Variants in DYNC1I1 observed in about 807,000 individuals in gnomAD.
DYNC1I1 encodes the protein cytoplasmic dynein 1 intermediate chain 1.
In DYNC1I1, 43 loss-of-function variants were observed where a neutral mutation model predicts 86.6. That is an observed-to-expected ratio of 0.50 (90% CI 0.39 to 0.64). DYNC1I1 has a LOEUF of 0.64. DYNC1I1 is among the 30% of genes least tolerant of loss of function. The pLI is 0.00. For missense variants in DYNC1I1, 604 were observed against 788.8 expected, an observed-to-expected ratio of 0.77 and a Z score of 2.81; for synonymous variants, 262 against 283.7, an observed-to-expected ratio of 0.92 and a Z score of 0.77.
intron 5 of DYNC1I1, among the ~76,000 whole-genome samples, chr7:95,867,617 C>G (rs1017449530): frequency 1.3e-5 from 2 of 152,202 alleles, no homozygotes; most frequent in Admixed American, 6.5e-5. Flanking sequence ...AGGGCTGCAG[C>G]TTACGTCATG....
intron 6 of DYNC1I1, among the ~76,000 whole-genome samples, chr7:95,893,618 A>T (rs973093367): frequency 6.6e-6 from 1 of 152,188 alleles, no homozygotes; most frequent in South Asian, 2.1e-4. Flanking sequence ...AAGGTCCATC[A>T]TCTTGCTGGC....
At chr7:95,873,876 A>G (rs187023046) in intron 6 of DYNC1I1, among the ~76,000 whole-genome samples, 3 of 152,336 alleles carry the variant, frequency 2.0e-5, no homozygotes, top group South Asian at 2.1e-4. Flanking sequence ...TCACTTTCAC[A>G]TAAGTCACCT....
At chr7:95,990,835 G>A (rs954879778) in intron 9 of DYNC1I1, among the ~76,000 whole-genome samples, 7 of 152,042 alleles carry the variant, frequency 4.6e-5, no homozygotes, top group East Asian at 1.9e-4. Flanking sequence ...TTCAAGACCA[G>A]CCTGGGCAAC....
chr7:95,910,625 G>T (rs1791308780), intron 6 of DYNC1I1, among the ~76,000 whole-genome samples: 1 of 152,184 alleles, frequency 6.6e-6, no homozygotes, highest in South Asian at 2.1e-4. Context: ...AAATCAGGTT[G>T]CATTGGGCTT....
At chr7:95,778,044 T>C (rs1793891336) in intron 1 of DYNC1I1, among the ~76,000 whole-genome samples, 1 of 152,206 alleles carries the variant, frequency 6.6e-6, no homozygotes, top group Non-Finnish European at 1.5e-5. Context: ...AAAATCTAAA[T>C]ACCAACTTCA....
chr7:95,875,043 A>G (rs1790272486), intron 6 of DYNC1I1, among the ~76,000 whole-genome samples: 1 of 152,212 alleles, frequency 6.6e-6, no homozygotes, highest in South Asian at 2.1e-4. Flanking sequence ...GCCTCTTGAC[A>G]GTGTTCCCTC....
chr7:95,860,165 C>T (rs1033979953), intron 5 of DYNC1I1, among the ~76,000 whole-genome samples: 31 of 152,302 alleles, frequency 2.0e-4, no homozygotes, highest in Admixed American at 1.5e-3. Context: ...CCCTCTCTTA[C>T]CTTTTATTCC....
chr7:95,979,670 G>A (rs1451794712), intron 7 of DYNC1I1, among the ~76,000 whole-genome samples: 1 of 152,174 alleles, frequency 6.6e-6, no homozygotes, highest in Non-Finnish European at 1.5e-5. Flanking sequence ...ATCATTAAAG[G>A]TCTTATTTCT....
At chr7:96,027,453 G>A (rs897914674) in intron 10 of DYNC1I1, among the ~76,000 whole-genome samples, 6 of 152,164 alleles carry the variant, frequency 3.9e-5, no homozygotes, top group African/African-American at 1.4e-4. Context: ...AGTCTTTTAT[G>A]GAGCTTCAGA....
chr7:95,960,364 C>A (rs1216903356), intron 6 of DYNC1I1, among the ~76,000 whole-genome samples: 1 of 152,138 alleles, frequency 6.6e-6, no homozygotes, highest in East Asian at 1.9e-4. Flanking sequence ...GCCTCAGCCT[C>A]CCAAAGTGCT....
At chr7:96,047,677 G>T (rs1258659358) in intron 14 of DYNC1I1, among the ~76,000 whole-genome samples, 1 of 152,110 alleles carries the variant, frequency 6.6e-6, no homozygotes, top group Non-Finnish European at 1.5e-5. Flanking sequence ...TGAACATAAG[G>T]AGATAGAGAG....
intron 10 of DYNC1I1, among the ~76,000 whole-genome samples, chr7:96,024,690 A>AT (rs893502381): frequency 9.2e-5 from 14 of 152,194 alleles, no homozygotes; most frequent in African/African-American, 2.9e-4. Flanking sequence ...GTTACTAATA[A>AT]TTTTTTTAGA....
chr7:96,050,395 G>A (rs1054589659), intron 14 of DYNC1I1, among the ~76,000 whole-genome samples: 1 of 152,132 alleles, frequency 6.6e-6, no homozygotes, highest in Non-Finnish European at 1.5e-5. Flanking sequence ...TCTCTACATG[G>A]GATCTTAGAA....
At chr7:95,915,915 G>A (rs1475662166) in intron 6 of DYNC1I1, among the ~76,000 whole-genome samples, 1 of 152,170 alleles carries the variant, frequency 6.6e-6, no homozygotes, top group Non-Finnish European at 1.5e-5. Context: ...GCGCTTGGTA[G>A]TCTTTTCATC....
intron 2 of DYNC1I1, among the ~76,000 whole-genome samples, chr7:95,807,342 C>A (rs1210860360): frequency 2.0e-5 from 3 of 152,092 alleles, no homozygotes; most frequent in African/African-American, 7.2e-5. Flanking sequence ...GCCAGGCCCC[C>A]TTTATCTCCA....
chr7:95,855,150 T>A (rs1789685651), intron 5 of DYNC1I1, among the ~76,000 whole-genome samples: 1 of 152,222 alleles, frequency 6.6e-6, no homozygotes, highest in African/African-American at 2.4e-5. Context: ...ATGAACTCCT[T>A]CAGTTTTTGT....
Position 96,076,081 on chromosome 7 carries a change from G to T in DYNC1I1, c.1534G>T (p.Glu512Ter), listed in dbSNP as rs1350571649. ...TKHNKPLYSF[E>*]DNADYVYDVM... ...GCACAACAAGCCGCTCTACTCCTTT[G>T]AAGACAATGCAGACTATGTGTACGA... The change falls in exon 15 of 17, where the codon GAA (glutamate) becomes TAA (stop). Residue 512 changes from glutamate (E) to a stop codon, truncating the protein, a stop_gained. Transcript: ENST00000447467. LOFTEE classifies it high-confidence loss of function. The T allele has an allele frequency of 6.2e-7, 1 of 1,614,174 alleles. No homozygotes were observed.
chr7:96,088,235 C>T (rs1790741468), intron 16 of DYNC1I1, among the ~76,000 whole-genome samples: 1 of 152,090 alleles, frequency 6.6e-6, no homozygotes, highest in Admixed American at 6.6e-5. Flanking sequence ...ATACTTATGA[C>T]TTCATGTATT....
chr7:95,978,278 A>G (rs1584219475), intron 7 of DYNC1I1, among the ~76,000 whole-genome samples: 2 of 152,252 alleles, frequency 1.3e-5, no homozygotes, highest in Admixed American at 6.5e-5. Context: ...GTACAAGTAC[A>G]TGAGCCAAGA....
Sources: gnomAD v4.1 joint callset for allele counts (sites outside exome capture counted in the v4.1 genomes callset) on GRCh38, gnomAD v4.1.1 for gene constraint, MANE v1.5 for transcripts, NCBI Gene and HGNC (gene_info 2026-07-23, HGNC 2026-07-21) for gene names.